Variants in CTXND1 observed in about 807,000 individuals in gnomAD.
The protein encoded by CTXND1 is cortexin domain containing 1.
At chr15:80,229,265 CTT>C (rs1447585396) in intron 1 of CTXND1, among the ~76,000 whole-genome samples, 6 of 152,138 alleles carry the variant, frequency 3.9e-5, no homozygotes, top group African/African-American at 1.4e-4. Context: ...GTTTCTGGGT[CTT>C]TTACATCAGT....
chr15:80,211,523 C>G (rs920149051), intron 1 of CTXND1, among the ~76,000 whole-genome samples: 2 of 152,164 alleles, frequency 1.3e-5, no homozygotes, highest in Non-Finnish European at 2.9e-5. Flanking sequence ...ACTCCTCTAC[C>G]AGAACAATTA....
intron 1 of CTXND1, among the ~76,000 whole-genome samples, chr15:80,221,403 T>G (rs1397882527): frequency 6.6e-6 from 1 of 152,204 alleles, no homozygotes; most frequent in Non-Finnish European, 1.5e-5. Flanking sequence ...AAAGAAATAT[T>G]ACTAATCTTT....
At chr15:80,204,199 T>TATATATAC (rs1267164168) in intron 1 of CTXND1, among the ~76,000 whole-genome samples, 95 of 26,714 alleles carry the variant, frequency 3.6e-3, no homozygotes, top group African/African-American at 0.011. Context: ...TATATATATA[T>TATATATAC]ACACAAACAC....
intron 1 of CTXND1, among the ~76,000 whole-genome samples, chr15:80,221,199 A>T (rs186131365): frequency 3.3e-5 from 5 of 152,090 alleles, no homozygotes; most frequent in Non-Finnish European, 7.4e-5. Context: ...GTGAGCCACC[A>T]CGCCCAGCCT....
intron 1 of CTXND1, among the ~76,000 whole-genome samples, chr15:80,210,644 C>A (rs1278207211): frequency 6.6e-6 from 1 of 152,224 alleles, no homozygotes; most frequent in African/African-American, 2.4e-5. Flanking sequence ...CATCCCTTGC[C>A]TGAACACTTC....
rs115353062 is a variant in CTXND1, at chr15:80,205,125, C to A, written c.-217-1385G>T. ...GCCTGTTATATAAACTGTTCCACAT[C>A]TTTTAAAATTTAACATATCTTGGAG... On this transcript the variant is annotated intron_variant, in intron 1 of 2. Transcript: ENST00000560778. Among the ~76,000 whole-genome samples the A allele has an allele frequency of 4.9e-3, 746 of 152,252 alleles. 8 individuals are homozygous for A. Among genetic ancestry groups the A allele is most frequent in the African/African-American group, 0.017 (718 of 41,550 alleles).
intron 1 of CTXND1, among the ~76,000 whole-genome samples, chr15:80,204,152 A>AC (rs1317983920): frequency 3.3e-5 from 1 of 30,404 alleles, no homozygotes; most frequent in African/African-American, 1.7e-4. Context: ...GTCTCAAAAA[A>AC]AAAAAAAAAA....
chr15:80,209,363 G>A (rs549446613), intron 1 of CTXND1, among the ~76,000 whole-genome samples: 2 of 152,326 alleles, frequency 1.3e-5, no homozygotes, highest in East Asian at 3.9e-4. Flanking sequence ...TGGGAGCTGA[G>A]CTGCTGGCCT....
At chr15:80,237,163 G>C (rs981115031) in intron 1 of CTXND1, among the ~76,000 whole-genome samples, 1 of 151,682 alleles carries the variant, frequency 6.6e-6, no homozygotes, top group Non-Finnish European at 1.5e-5. Context: ...GTGAAACCTC[G>C]TCTCTACTAA....
intron 1 of CTXND1, 146 bp from the exon 2 acceptor site, chr15:80,203,886 T>C (rs1420771648): frequency 6.6e-6 from 1 of 151,936 alleles, no homozygotes; most frequent in African/African-American, 2.4e-5. Flanking sequence ...CTTCTCTCTT[T>C]TTAAAATATA....
Position 80,205,316 on chromosome 15 carries a change from G to A in CTXND1, c.-217-1576C>T, listed in dbSNP as rs185890782. On this transcript the variant is annotated intron_variant, in intron 1 of 2. Transcript: ENST00000560778. ...TTGATGGAGTAAATGTCCTTGTAGC[G>A]ATGTCATTTTGCACATGTCTGAGTA... Among the ~76,000 whole-genome samples the A allele has an allele frequency of 1.2e-4, 19 of 152,200 alleles. No homozygotes were observed. In the Middle Eastern group the frequency reaches 0.01, roughly 82 times the overall value.
At chr15:80,238,908 C>T (rs114305994) in intron 1 of CTXND1, among the ~76,000 whole-genome samples, 96 of 152,334 alleles carry the variant, frequency 6.3e-4, no homozygotes, top group African/African-American at 2.1e-3. Flanking sequence ...GTAGGCTCTG[C>T]CATCTAGGTC....
chr15:80,218,140 T>C (rs73487211), intron 1 of CTXND1, among the ~76,000 whole-genome samples: 186 of 152,258 alleles, frequency 1.2e-3, no homozygotes, highest in African/African-American at 3.5e-3. Flanking sequence ...TGCTTATTAG[T>C]ATATGTATTT....
intron 1 of CTXND1, among the ~76,000 whole-genome samples, chr15:80,205,659 A>C (rs554384687): frequency 1.8e-4 from 27 of 152,320 alleles, no homozygotes; most frequent in African/African-American, 6.5e-4. Context: ...CGGCATCCAG[A>C]CAACGAGACA....
At chr15:80,218,337 G>A (rs1368172595) in intron 1 of CTXND1, among the ~76,000 whole-genome samples, 1 of 151,972 alleles carries the variant, frequency 6.6e-6, no homozygotes, top group Admixed American at 6.6e-5. Flanking sequence ...GTGGAGTCTC[G>A]CTATGTTGCC....
chr15:80,241,663 CT>C (rs1022124763), intron 1 of CTXND1, among the ~76,000 whole-genome samples: 2 of 152,210 alleles, frequency 1.3e-5, no homozygotes, highest in African/African-American at 4.8e-5. Flanking sequence ...GCGTTCCACC[CT>C]CCCCCACAGA....
At chr15:80,210,127 G>T (rs1204492555) in intron 1 of CTXND1, among the ~76,000 whole-genome samples, 2 of 152,126 alleles carry the variant, frequency 1.3e-5, no homozygotes, top group Non-Finnish European at 2.9e-5. Context: ...AGAAACACAG[G>T]CCTGGCCAGG....
intron 1 of CTXND1, among the ~76,000 whole-genome samples, chr15:80,242,585 A>G (rs769709425): frequency 6.6e-6 from 1 of 152,260 alleles, no homozygotes. Flanking sequence ...ATCCCAGGTC[A>G]CAACACGGGG....
chr15:80,232,410 GC>G (rs1482475026), intron 1 of CTXND1, among the ~76,000 whole-genome samples: 1 of 152,128 alleles, frequency 6.6e-6, no homozygotes, highest in African/African-American at 2.4e-5. Flanking sequence ...TTCATCAGTG[GC>G]CCCGATGTAA....
Sources: gnomAD v4.1 joint callset for allele counts (sites outside exome capture counted in the v4.1 genomes callset) on GRCh38, gnomAD v4.1.1 for gene constraint, MANE v1.5 for transcripts, NCBI Gene and HGNC (gene_info 2026-07-23, HGNC 2026-07-21) for gene names.